The following DAP3 variants were observed in gnomAD, a reference collection of about 807,000 sequenced individuals.
DAP3 encodes the protein small ribosomal subunit protein mS29.
DAP3 carries 28 observed loss-of-function variants against 51.9 expected under a neutral mutation model. That is an observed-to-expected ratio of 0.54 (90% CI 0.40 to 0.74). The LOEUF (loss-of-function observed/expected upper bound fraction) is 0.74. Ranked by LOEUF, DAP3 falls within the 30% of genes least tolerant of loss-of-function variation. The pLI is 0.00. For synonymous variants in DAP3, 170 were observed against 170.3 expected (o/e 1.00, Z 0.01); for missense variants, 458 against 483.5 (o/e 0.95, Z 0.49).
chr1:155,709,932 C>T, intron 2 of DAP3, 108 bp downstream of exon 2: 1 of 967,126 alleles, frequency 1.0e-6, no homozygotes, highest in Non-Finnish European at 1.6e-6. Context: ...TGGAAAACTT[C>T]ATATGTAACA....
intron 11 of DAP3, among the ~76,000 whole-genome samples, chr1:155,733,488 A>G (rs1399915314): frequency 6.6e-6 from 1 of 152,162 alleles, no homozygotes; most frequent in Admixed American, 6.6e-5. Context: ...TAGAATCTAA[A>G]TCATTACTGT....
At chr1:155,698,983 G>A (rs1654855689) in intron 1 of DAP3, among the ~76,000 whole-genome samples, 1 of 152,146 alleles carries the variant, frequency 6.6e-6, no homozygotes, top group African/African-American at 2.4e-5. Flanking sequence ...CAGAATGTAG[G>A]GGACCAGCCT....
chr1:155,708,592 C>T (rs1267164151), intron 1 of DAP3, among the ~76,000 whole-genome samples: 8 of 137,508 alleles, frequency 5.8e-5, no homozygotes, highest in African/African-American at 1.4e-4. Flanking sequence ...CCTGGGCTAG[C>T]GTACAGTGGT....
chr1:155,694,713 C>A (rs1229854683), intron 1 of DAP3, among the ~76,000 whole-genome samples: 2 of 152,124 alleles, frequency 1.3e-5, no homozygotes, highest in South Asian at 2.1e-4. Context: ...CTTGTAGGTA[C>A]CCAAACTGGA....
At chr1:155,711,450 G>A (rs1371346462) in intron 2 of DAP3, among the ~76,000 whole-genome samples, 4 of 151,800 alleles carry the variant, frequency 2.6e-5, no homozygotes, top group African/African-American at 4.8e-5. Context: ...CCAAGATCAC[G>A]CCACTGCACT....
intron 4 of DAP3, among the ~76,000 whole-genome samples, chr1:155,724,814 G>T (rs984157466): frequency 2.3e-4 from 35 of 152,056 alleles, no homozygotes; most frequent in Admixed American, 2.0e-3. Flanking sequence ...AAATAGCCGG[G>T]CATGGTGGTG....
chr1:155,724,715 G>A (rs1031757552), intron 4 of DAP3, among the ~76,000 whole-genome samples: 2 of 151,884 alleles, frequency 1.3e-5, no homozygotes, highest in African/African-American at 4.8e-5. Flanking sequence ...CCTGCACTTT[G>A]GGAGGCCAAG....
chr1:155,738,340 G>C lies in DAP3; in HGVS notation c.*98G>C. ...GGCAGTACACAGGAAGAGGAGCCAG[G>C]CCCTTGTACCTATGGGATTGGACAG... On this transcript the variant is annotated 3_prime_UTR_variant, in exon 13 of 13. Transcript: ENST00000368336. 1 of 1,342,358 alleles carries C rather than the reference G, an allele frequency of 7.4e-7. No homozygotes were observed. The allele number at this position is 1,342,358 out of a possible 1,614,324, so 83.2% of individuals were successfully genotyped here.
chr1:155,723,485 C>T (rs184521308), intron 4 of DAP3, among the ~76,000 whole-genome samples: 8 of 152,240 alleles, frequency 5.3e-5, no homozygotes, highest in Admixed American at 3.3e-4. Context: ...CTCGCCACCA[C>T]GCCTGGCTAA....
At chr1:155,712,541 G>T (rs1196587989) in intron 2 of DAP3, among the ~76,000 whole-genome samples, 1 of 139,228 alleles carries the variant, frequency 7.2e-6, no homozygotes, top group East Asian at 2.4e-4. Context: ...GAACCTGGGA[G>T]ACAGAGGTTG....
rs780077685 is a variant in DAP3 at position 155,691,708 on chromosome 1, A to T, written c.-8+2534A>T. On this transcript the variant is annotated intron_variant, in intron 1 of 12. Transcript: ENST00000368336. ...GCTTAAAAAATCCTAACAGCAACAT[A>T]TAAGAATCCTAGTTTTTCCAGATTC... is the stretch of plus-strand genomic sequence containing the variant. Among the ~76,000 whole-genome samples the T allele has an allele frequency of 4.2e-5, 6 of 142,140 alleles. 1 individual carries two copies. The highest frequency in any genetic ancestry group is 6.3e-5 in the African/African-American group (2 of 31,604). 93.2% of individuals were successfully genotyped at this position (142,140 alleles called of 152,430 possible).
At chr1:155,713,715 C>G (rs1656992245) in intron 2 of DAP3, among the ~76,000 whole-genome samples, 1 of 152,160 alleles carries the variant, frequency 6.6e-6, no homozygotes, top group Admixed American at 6.5e-5. Context: ...TAGTTCACCA[C>G]CTAAAACTCT....
intron 12 of DAP3, among the ~76,000 whole-genome samples, chr1:155,737,285 A>G (rs999226432): frequency 6.6e-6 from 1 of 152,236 alleles, no homozygotes; most frequent in Non-Finnish European, 1.5e-5. Context: ...CATGATAAAG[A>G]AGGGAACAAA....
intron 11 of DAP3, among the ~76,000 whole-genome samples, chr1:155,734,819 A>C (rs1659593475): frequency 6.6e-6 from 1 of 152,238 alleles, no homozygotes; most frequent in African/African-American, 2.4e-5. Flanking sequence ...AGTTCCTACT[A>C]GTAGCCAATT....
chr1:155,731,397 A>G lies in DAP3; in HGVS notation c.885A>G (p.Lys295=). ...EELALVHNLR[K]MMKNDWHGGA... is the part of the protein sequence containing the mutation. ...TAGCACTTGTTCACAACTTGAGGAA[A>G]ATGATGAAAAATGATTGGGTAAGTG... Residue 295 remains lysine (K), a synonymous_variant, in exon 10 of 13, where the codon AAA becomes AAG. Transcript: ENST00000368336. 1 of 1,614,144 alleles carries G rather than the reference A, an allele frequency of 6.2e-7. No individual in the cohort carries two copies. The highest frequency in any genetic ancestry group is 8.5e-7 in the Non-Finnish European group (1 of 1,180,000).
chr1:155,695,293 G>A (rs910429556), intron 1 of DAP3, among the ~76,000 whole-genome samples: 2 of 152,208 alleles, frequency 1.3e-5, no homozygotes, highest in Non-Finnish European at 2.9e-5. Flanking sequence ...TGTGGGTGAC[G>A]TCCATTTGCC....
At chr1:155,713,797 T>G (rs1657002670) in intron 2 of DAP3, among the ~76,000 whole-genome samples, 1 of 152,208 alleles carries the variant, frequency 6.6e-6, no homozygotes, top group Admixed American at 6.6e-5. Context: ...TTGATAATAT[T>G]CTGCCTATCT....
chr1:155,726,190 C>T (rs1000908400), intron 6 of DAP3, 171 bp downstream of exon 6: 9 of 461,002 alleles, frequency 2.0e-5, no homozygotes, highest in African/African-American at 1.0e-4. Flanking sequence ...CTCAGGTCAC[C>T]GCAACCTCCG....
At chr1:155,721,904 T>C in intron 4 of DAP3, 2 of 515,436 alleles carry the variant, frequency 3.9e-6, no homozygotes, top group South Asian at 3.4e-5. Context: ...ATCATGAAAA[T>C]AGTTAATATG....
Sources: allele counts gnomAD v4.1 joint callset (sites outside exome capture counted in the v4.1 genomes callset), GRCh38; gene constraint gnomAD v4.1.1; transcripts MANE v1.5; gene names NCBI Gene and HGNC (gene_info 2026-07-23, HGNC 2026-07-21).